The following TMEM170B variants were observed in gnomAD, a reference collection of about 807,000 sequenced individuals.
TMEM170B encodes transmembrane protein 170B.
TMEM170B carries 6 observed loss-of-function variants against 13.0 expected under a neutral mutation model. The observed-to-expected ratio is 0.46, with a 90% CI of 0.25 to 0.91. The LOEUF is 0.91. Among genes scored for constraint, TMEM170B ranks in the 40% least tolerant of loss-of-function variants. The pLI is 0.17. For missense variants in TMEM170B, 138 were observed against 165.2 expected, an observed-to-expected ratio of 0.84 and a Z score of 0.90; for synonymous variants, 61 against 64.9, an observed-to-expected ratio of 0.94 and a Z score of 0.29.
chr6:11,569,915 C>T (rs1189882263), intron 2 of TMEM170B, among the ~76,000 whole-genome samples: 3 of 150,516 alleles, frequency 2.0e-5, no homozygotes, highest in Non-Finnish European at 4.4e-5. Flanking sequence ...TTTTTTTAAT[C>T]CCAGTGGTTT....
chr6:11,543,062 C>T lies in TMEM170B; in HGVS notation c.97+4688C>T, dbSNP rs72834797. On this transcript the variant is annotated intron_variant, in intron 1 of 2. Transcript: ENST00000379426. The stretch of plus-strand genomic sequence containing the variant: ...AGCTACTTCCTCCTTACTTTCTTCA[C>T]GCAAAATTAATTTCTTGCTTCATCT... Among the ~76,000 whole-genome samples the T allele has an allele frequency of 1.4e-4, 22 of 152,166 alleles. No homozygotes were observed. In the East Asian group the frequency reaches 3.3e-3, roughly 23 times the overall value.
chr6:11,571,557 A>C (rs1319385838), intron 2 of TMEM170B, among the ~76,000 whole-genome samples: 1 of 152,058 alleles, frequency 6.6e-6, no homozygotes, highest in Non-Finnish European at 1.5e-5. Flanking sequence ...CTAATTGATC[A>C]TGTTTGCCAC....
intron 2 of TMEM170B, among the ~76,000 whole-genome samples, chr6:11,572,305 A>G (rs1759815824): frequency 6.6e-6 from 1 of 152,234 alleles, no homozygotes; most frequent in South Asian, 2.1e-4. Flanking sequence ...AAATTGTGGT[A>G]TATTCATACT....
chr6:11,538,221 C>A lies in TMEM170B; in HGVS notation c.-57C>A. On this transcript the variant is annotated 5_prime_UTR_variant, in exon 1 of 3. Coordinates refer to ENST00000379426, the MANE Select transcript of TMEM170B (RefSeq NM_001100829.3). ...ACCCGCCGCCGCCCCCCGAGCCTCGCAGCCGCCGCCGCCGCCCGGCACCCG... is the reference window on the plus strand; with the variant it reads ...ACCCGCCGCCGCCCCCCGAGCCTCGAAGCCGCCGCCGCCGCCCGGCACCCG... The A allele has an allele frequency of 2.0e-6, 2 of 978,200 alleles. No homozygotes were observed. Among genetic ancestry groups the A allele is most frequent in the Non-Finnish European group, 2.6e-6 (2 of 774,358 alleles). 60.6% of individuals were successfully genotyped at this position (978,200 alleles called of 1,614,324 possible).
rs769702709 is a variant in TMEM170B, at chr6:11,575,562, G to T, written c.*1G>T. On this transcript the variant is annotated 3_prime_UTR_variant, in exon 3 of 3. Transcript: ENST00000379426. This position sits in a 1 kb window ranked among gnomAD's most constrained non-coding sequence, Gnocchi z 4.1. ...TTCAAGGATCCTCGCTACACTTTGA[G>T]GTTTCTGTGGGAATGTCTTACTTCA... The T allele has an allele frequency of 6.2e-7, 1 of 1,612,634 alleles. No homozygotes were observed. The highest frequency in any genetic ancestry group is 2.2e-5 in the East Asian group (1 of 44,864).
chr6:11,567,066 G>T (rs1336970869), intron 2 of TMEM170B, among the ~76,000 whole-genome samples: 2 of 152,168 alleles, frequency 1.3e-5, no homozygotes. Flanking sequence ...ACAACTGCCG[G>T]ACCATCACCT....
chr6:11,547,807 C>T (rs75491930), intron 1 of TMEM170B, among the ~76,000 whole-genome samples: 2,961 of 152,050 alleles, frequency 0.019, 77 homozygotes, highest in African/African-American at 0.063. Flanking sequence ...GACATTTCTT[C>T]GATCTGAACC....
At chr6:11,565,974 G>T (rs922067069) in intron 2 of TMEM170B, 138 bp downstream of exon 2, 2 of 756,058 alleles carry the variant, frequency 2.6e-6, no homozygotes, top group East Asian at 2.6e-5. Flanking sequence ...ACTCCATCTA[G>T]AAGATAAAGA....
chr6:11,559,123 A>C (rs975040869), intron 1 of TMEM170B, among the ~76,000 whole-genome samples: 1 of 152,036 alleles, frequency 6.6e-6, no homozygotes, highest in African/African-American at 2.4e-5. Context: ...CTTTATGAAC[A>C]CTGAAATTTG....
intron 1 of TMEM170B, among the ~76,000 whole-genome samples, chr6:11,544,927 T>C (rs150632022): frequency 1.0e-3 from 158 of 152,336 alleles, no homozygotes; most frequent in African/African-American, 3.5e-3. Context: ...TAACTTGACT[T>C]TTAAAAAATC....
rs1255539881 is a variant in TMEM170B, at chr6:11,579,620, G to A, written c.*4059G>A. On this transcript the variant is annotated 3_prime_UTR_variant, in exon 3 of 3. Coordinates refer to ENST00000379426, the MANE Select transcript of TMEM170B (RefSeq NM_001100829.3). ...TCACTTTTTCTTTTTAAAATCAGCA[G>A]ATCTTTAAGAACCTTTTGTGAATTG... is the stretch of plus-strand genomic sequence containing the variant. The A allele has an allele frequency of 6.6e-6, 1 of 152,090 alleles. No individual in the cohort carries two copies. The highest frequency in any genetic ancestry group is 2.4e-5 in the African/African-American group (1 of 41,408). The allele number at this position is 152,090 out of a possible 1,614,324, so 9.4% of individuals were successfully genotyped here.
intron 1 of TMEM170B, among the ~76,000 whole-genome samples, chr6:11,547,589 C>A (rs928958474): frequency 2.6e-5 from 4 of 151,992 alleles, no homozygotes; most frequent in African/African-American, 9.7e-5. Context: ...TATGATATGG[C>A]CTTCATAGGA....
intron 1 of TMEM170B, among the ~76,000 whole-genome samples, chr6:11,549,016 A>G (rs1289066678): frequency 2.0e-5 from 3 of 152,198 alleles, no homozygotes; most frequent in Non-Finnish European, 2.9e-5. Flanking sequence ...TGGCATATGT[A>G]TACATATGTA....
chr6:11,538,661 G>C (rs1033687174), intron 1 of TMEM170B, among the ~76,000 whole-genome samples: 1 of 152,248 alleles, frequency 6.6e-6, no homozygotes, highest in Non-Finnish European at 1.5e-5. Flanking sequence ...TAGTACGCGC[G>C]GAGTAGCTTT....
intron 1 of TMEM170B, among the ~76,000 whole-genome samples, chr6:11,548,318 A>G (rs56132761): frequency 6.6e-6 from 1 of 152,172 alleles, no homozygotes; most frequent in South Asian, 2.1e-4. Context: ...AACAGACACA[A>G]GAAAAAATGC....
At position 11,583,072 on chromosome 6, in the gene TMEM170B, T is replaced by C. The variant is rs958027685; in HGVS notation, c.*7511T>C. The C allele has an allele frequency of 6.6e-6, 1 of 152,196 alleles. No homozygotes were observed. Among genetic ancestry groups the C allele is most frequent in the African/African-American group, 2.4e-5 (1 of 41,450 alleles). 9.4% of individuals were successfully genotyped at this position (152,196 alleles called of 1,614,324 possible). A position where few individuals can be genotyped will look rare whatever the true frequency, so the allele number is the denominator to read the frequency against. On this transcript the variant is annotated 3_prime_UTR_variant, in exon 3 of 3. Transcript: ENST00000379426. ...ATAATTTCCTGGAGAACACAAATTTTGCAGTGAATTTTAAGTAATTTTAAT... is the reference window on the plus strand; with the variant it reads ...ATAATTTCCTGGAGAACACAAATTTCGCAGTGAATTTTAAGTAATTTTAAT...
At chr6:11,567,051 G>A (rs2113778893) in intron 2 of TMEM170B, among the ~76,000 whole-genome samples, 1 of 152,304 alleles carries the variant, frequency 6.6e-6, no homozygotes, top group East Asian at 1.9e-4. Context: ...TATCATTTTA[G>A]TGTGACAACT....
Position 11,576,746 on chromosome 6 carries a change from A to T in TMEM170B, c.*1185A>T, listed in dbSNP as rs1018503012. ...TAGTAGATAATTTTAAAATTTGGCA[A>T]TTAGTCTCAGCATATCAATGCAGTA... On this transcript the variant is annotated 3_prime_UTR_variant, in exon 3 of 3. Coordinates refer to ENST00000379426, the MANE Select transcript of TMEM170B (RefSeq NM_001100829.3). 6.6e-6 allele frequency: 1 copy of T among 152,174 alleles called. No homozygotes were observed. The highest frequency in any genetic ancestry group is 1.5e-5 in the Non-Finnish European group (1 of 67,984). 9.4% of individuals were successfully genotyped at this position (152,174 alleles called of 1,614,324 possible).
intron 2 of TMEM170B, among the ~76,000 whole-genome samples, chr6:11,570,714 G>A (rs1330800171): frequency 6.6e-6 from 1 of 152,116 alleles, no homozygotes; most frequent in Non-Finnish European, 1.5e-5. Context: ...GCAGAAAATA[G>A]AAAGAATAAA....
Sources: allele counts gnomAD v4.1 joint callset (sites outside exome capture counted in the v4.1 genomes callset), GRCh38; gene constraint gnomAD v4.1.1; non-coding constraint Gnocchi (gnomAD v3.1); transcripts MANE v1.5; gene names NCBI Gene and HGNC (gene_info 2026-07-23, HGNC 2026-07-21).